SH3RF3: variants seen among roughly 807,000 people sequenced by gnomAD.
The protein encoded by SH3RF3 is E3 ubiquitin-protein ligase SH3RF3.
Under a neutral mutation model 66.3 loss-of-function variants are expected in SH3RF3, and 29 were observed. That is an observed-to-expected ratio of 0.44 (90% CI 0.33 to 0.60). The LOEUF (loss-of-function observed/expected upper bound fraction) is 0.60. Among genes scored for constraint, SH3RF3 ranks in the 20% least tolerant of loss-of-function variants. The probability of loss-of-function intolerance (pLI) is 0.04; values close to 1 mark genes in which losing one functional copy is unlikely to be tolerated. For missense variants in SH3RF3, 1,194 were observed against 1,190.9 expected (o/e 1.00, Z -0.04); for synonymous variants, 583 against 532.0 (o/e 1.10, Z -1.32).
chr2:109,455,459 C>T (rs1370626956), intron 8 of SH3RF3, among the ~76,000 whole-genome samples: 1 of 152,162 alleles, frequency 6.6e-6, no homozygotes, highest in African/African-American at 2.4e-5. Flanking sequence ...TGGTCTGGGG[C>T]GTGGAGTCTG....
intron 1 of SH3RF3, among the ~76,000 whole-genome samples, chr2:109,321,353 C>T (rs762928529): frequency 1.1e-4 from 16 of 152,214 alleles, no homozygotes; most frequent in Admixed American, 2.0e-4. Flanking sequence ...CATACCAGAA[C>T]GTCATCATTC....
intron 1 of SH3RF3, among the ~76,000 whole-genome samples, chr2:109,307,684 TG>T (rs1330126338): frequency 1.4e-5 from 2 of 147,444 alleles, no homozygotes; most frequent in Non-Finnish European, 3.0e-5. Context: ...TTTGGTTTTT[TG>T]CTCTTGCGAT....
At chr2:109,479,560 G>A (rs968008860) in intron 8 of SH3RF3, among the ~76,000 whole-genome samples, 2 of 152,146 alleles carry the variant, frequency 1.3e-5, no homozygotes, top group African/African-American at 4.8e-5. Flanking sequence ...CGGCCTCATG[G>A]GCAGAGGAAG....
At chr2:109,194,175 T>G (rs1473430526) in intron 1 of SH3RF3, among the ~76,000 whole-genome samples, 1 of 152,160 alleles carries the variant, frequency 6.6e-6, no homozygotes, top group Admixed American at 6.5e-5. Context: ...CCAGCACTGG[T>G]TGGAATCCCT....
At chr2:109,383,836 A>G (rs1675755931) in intron 3 of SH3RF3, among the ~76,000 whole-genome samples, 1 of 152,156 alleles carries the variant, frequency 6.6e-6, no homozygotes, top group Non-Finnish European at 1.5e-5. Context: ...TCCTGTTTTC[A>G]GTGATCAGTC....
chr2:109,454,859 T>C (rs1677994933), intron 8 of SH3RF3, among the ~76,000 whole-genome samples: 1 of 151,958 alleles, frequency 6.6e-6, no homozygotes, highest in African/African-American at 2.4e-5. Flanking sequence ...CTAAAGAGAA[T>C]TGGAAAAACT....
chr2:109,339,191 C>G (rs1362227742), intron 1 of SH3RF3, among the ~76,000 whole-genome samples: 1 of 149,826 alleles, frequency 6.7e-6, no homozygotes, highest in Non-Finnish European at 1.5e-5. Context: ...AAGGGAGGCA[C>G]ACTCGGTATA....
Position 109,194,325 on chromosome 2 carries a change from C to T in SH3RF3, c.573+64212C>T, listed in dbSNP as rs139426021. 9.2e-4 allele frequency among the ~76,000 whole-genome samples: 140 copies of T among 152,340 alleles called. 1 individual carries two copies. Among genetic ancestry groups the T allele is most frequent in the African/African-American group, 2.8e-3 (117 of 41,594 alleles). ...AGGGGACTTTCGAAAGCTTGGGCTG[C>T]GGTGTCCCCAGCTGTGCCCTGTTCC... On this transcript the variant is annotated intron_variant, in intron 1 of 9. Coordinates refer to ENST00000309415, the MANE Select transcript of SH3RF3 (RefSeq NM_001099289.3).
chr2:109,166,342 T>A (rs1337904857), intron 1 of SH3RF3, among the ~76,000 whole-genome samples: 2 of 151,012 alleles, frequency 1.3e-5, no homozygotes, highest in African/African-American at 4.9e-5. Context: ...CCGAGTGTGG[T>A]GGTGTGTGCC....
In SH3RF3 at chr2:109,148,203, C is replaced by G. The variant is rs536137209; in HGVS notation, c.573+18090C>G. Among the ~76,000 whole-genome samples, 7 of 152,318 alleles carry G rather than the reference C, an allele frequency of 4.6e-5. 1 individual carries two copies. In the South Asian group the frequency reaches 1.5e-3, roughly 32 times the overall value. ...AACCTGGCTCTCCCACCTGCCTGCT[C>G]TAGGACTCAGGCAAATTGGGTACCT... On this transcript the variant is annotated intron_variant, in intron 1 of 9. Transcript: ENST00000309415.
intron 1 of SH3RF3, among the ~76,000 whole-genome samples, chr2:109,232,926 C>T (rs1316286745): frequency 6.6e-6 from 1 of 152,150 alleles, no homozygotes; most frequent in African/African-American, 2.4e-5. Flanking sequence ...GTTGAGTGAG[C>T]ACCACTGAGA....
chr2:109,449,904 T>C (rs1677818580), intron 8 of SH3RF3, among the ~76,000 whole-genome samples: 1 of 152,214 alleles, frequency 6.6e-6, no homozygotes, highest in Non-Finnish European at 1.5e-5. Flanking sequence ...CTCCCTTCAA[T>C]ATGTCATCCT....
intron 1 of SH3RF3, among the ~76,000 whole-genome samples, chr2:109,287,106 A>G (rs779884530): frequency 1.3e-5 from 2 of 152,190 alleles, no homozygotes; most frequent in Admixed American, 6.5e-5. Context: ...TGACATACAG[A>G]TGACAGCCAT....
At chr2:109,474,774 C>T (rs938651603) in intron 8 of SH3RF3, among the ~76,000 whole-genome samples, 1 of 152,232 alleles carries the variant, frequency 6.6e-6, no homozygotes, top group African/African-American at 2.4e-5. Flanking sequence ...AGGCCCTGCA[C>T]ACCCTGGGAC....
chr2:109,377,705 C>T (rs1201069787), intron 3 of SH3RF3, among the ~76,000 whole-genome samples: 3 of 152,122 alleles, frequency 2.0e-5, no homozygotes, highest in Non-Finnish European at 2.9e-5. Context: ...TTTGAGAGTG[C>T]TTATCTTCAG....
chr2:109,315,997 A>G (rs972936781), intron 1 of SH3RF3, among the ~76,000 whole-genome samples: 24 of 152,310 alleles, frequency 1.6e-4, no homozygotes, highest in Non-Finnish European at 2.2e-4. Flanking sequence ...GTGAGATTAT[A>G]TGTGCATGCA....
chr2:109,130,758 CATTTAT>C (rs951296792), intron 1 of SH3RF3, among the ~76,000 whole-genome samples: 12 of 152,124 alleles, frequency 7.9e-5, no homozygotes, highest in Non-Finnish European at 1.3e-4. Context: ...CCACGGGGGT[CATTTAT>C]ATTTATTATT....
intron 3 of SH3RF3, among the ~76,000 whole-genome samples, chr2:109,380,463 C>A (rs1044536873): frequency 1.3e-5 from 2 of 152,204 alleles, no homozygotes; most frequent in African/African-American, 4.8e-5. Context: ...CAGAGCTCAT[C>A]AAGCATGGGG....
chr2:109,412,484 G>A (rs1676617911), intron 4 of SH3RF3, among the ~76,000 whole-genome samples: 1 of 152,248 alleles, frequency 6.6e-6, no homozygotes, highest in Admixed American at 6.5e-5. Context: ...CAGGACCAGT[G>A]CGTGCCTATC....
Sources: gnomAD v4.1 joint callset for allele counts (sites outside exome capture counted in the v4.1 genomes callset) on GRCh38, gnomAD v4.1.1 for gene constraint, MANE v1.5 for transcripts, NCBI Gene and HGNC (gene_info 2026-07-23, HGNC 2026-07-21) for gene names.